The following MLPH variants were observed in gnomAD, a reference collection of about 807,000 sequenced individuals.
The protein encoded by MLPH is melanophilin.
MLPH carries 51 observed loss-of-function variants against 72.1 expected under a neutral mutation model. That is an observed-to-expected ratio of 0.71 (90% CI 0.56 to 0.89). The LOEUF is 0.89. Among genes scored for constraint, MLPH ranks in the 40% least tolerant of loss-of-function variants. The pLI is 0.00. For missense variants in MLPH, 743 were observed against 759.9 expected, an observed-to-expected ratio of 0.98 and a Z score of 0.26; for synonymous variants, 301 against 310.1, an observed-to-expected ratio of 0.97 and a Z score of 0.31.
chr2:237,539,883 AGCAGCT>A (rs1467293886), intron 9 of MLPH, among the ~76,000 whole-genome samples: 17 of 152,278 alleles, frequency 1.1e-4, no homozygotes, highest in Admixed American at 7.2e-4. Flanking sequence ...AGTGTCCCAC[AGCAGCT>A]GCTAAATGAA....
At chr2:237,534,232 C>T (rs981257044) in intron 8 of MLPH, among the ~76,000 whole-genome samples, 7 of 152,154 alleles carry the variant, frequency 4.6e-5, no homozygotes, top group African/African-American at 9.7e-5. Context: ...TGCTCGGTAC[C>T]GGCAGTGACA....
chr2:237,542,816 T>C (rs1184415704), intron 12 of MLPH, among the ~76,000 whole-genome samples, 157 bp downstream of exon 12: 2 of 13,034 alleles, frequency 1.5e-4, no homozygotes, highest in Admixed American at 7.8e-4. Flanking sequence ...GGGACAGTGG[T>C]GAGTGGGGAC....
intron 2 of MLPH, among the ~76,000 whole-genome samples, chr2:237,504,457 A>T (rs992886942): frequency 8.5e-5 from 13 of 152,258 alleles, no homozygotes; most frequent in Admixed American, 7.2e-4. Context: ...ACCTCAGGTG[A>T]TCCACCCACC....
chr2:237,509,207 G>C (rs2079839570), intron 2 of MLPH, among the ~76,000 whole-genome samples: 1 of 152,188 alleles, frequency 6.6e-6, no homozygotes, highest in African/African-American at 2.4e-5. Context: ...GCACAGTACA[G>C]TTCTCCTTTC....
At chr2:237,494,292 C>A (rs6741573) in intron 2 of MLPH, among the ~76,000 whole-genome samples, 14,978 of 152,120 alleles carry the variant, frequency 0.098, 2,296 homozygotes, top group African/African-American at 0.33. Context: ...GAGGGCCCCG[C>A]TGAAGATGGC....
intron 4 of MLPH, among the ~76,000 whole-genome samples, chr2:237,514,182 G>A (rs769565891): frequency 6.6e-6 from 1 of 152,080 alleles, no homozygotes; most frequent in African/African-American, 2.4e-5. Flanking sequence ...TTCCTCCTCC[G>A]AGAATGGGGC....
chr2:237,540,322 C>T (rs745568343), intron 9 of MLPH, 26 bp from the exon 10 acceptor site: 2 of 1,612,548 alleles, frequency 1.2e-6, no homozygotes, highest in Admixed American at 3.3e-5. Context: ...CTAGCCGAAT[C>T]CAAATCCACT....
At chr2:237,518,079 T>G (rs924392059) in intron 4 of MLPH, 3 of 296,262 alleles carry the variant, frequency 1.0e-5, no homozygotes, top group Admixed American at 4.7e-5. Context: ...GGTAGATGGA[T>G]GTATAGATGG....
intron 14 of MLPH, among the ~76,000 whole-genome samples, chr2:237,551,285 G>T (rs1218186812): frequency 1.3e-5 from 2 of 152,274 alleles, no homozygotes; most frequent in East Asian, 3.8e-4. Flanking sequence ...ACATGACCCT[G>T]CAGAGAGGGG....
At chr2:237,530,839 G>A (rs2080405749) in intron 8 of MLPH, among the ~76,000 whole-genome samples, 1 of 152,218 alleles carries the variant, frequency 6.6e-6, no homozygotes, top group Non-Finnish European at 1.5e-5. Context: ...TGTGTCCCGA[G>A]AGGACTTGAA....
intron 13 of MLPH, among the ~76,000 whole-genome samples, chr2:237,548,190 A>T (rs890141627): frequency 2.6e-5 from 4 of 152,178 alleles, no homozygotes; most frequent in Non-Finnish European, 5.9e-5. Context: ...AGCCCAGGCC[A>T]TGCCTGACAC....
intron 9 of MLPH, among the ~76,000 whole-genome samples, chr2:237,539,015 G>C (rs934751311): frequency 6.6e-6 from 1 of 152,216 alleles, no homozygotes; most frequent in Admixed American, 6.5e-5. Flanking sequence ...GCCGCTGCAG[G>C]AGACAGCCCG....
At position 237,493,513 on chromosome 2, in the gene MLPH, A is replaced by G; in HGVS notation, c.87A>G (p.Arg29=). The G allele has an allele frequency of 6.2e-7, 1 of 1,613,818 alleles. No homozygotes were observed. The highest frequency in any genetic ancestry group is 8.5e-7 in the Non-Finnish European group (1 of 1,179,802). ...TTGTTCAACGAGATTTTGACCTCCG[A>G]AGGAAAGAAGAGGAACGGCTAGAGT... ...LEVVQRDFDL[R]RKEEERLEAL... is the part of the protein sequence containing the mutation. Residue 29 remains arginine, a synonymous_variant, in exon 2 of 16, where the codon CGA becomes CGG. Transcript: ENST00000264605.
In MLPH at chr2:237,527,381, G is replaced by A. The variant is rs369804254; in HGVS notation, c.885G>A (p.Ser295=). The A allele has an allele frequency of 3.7e-5, 60 of 1,614,020 alleles. No homozygotes were observed. The highest frequency in any genetic ancestry group is 2.7e-4 in the African/African-American group (20 of 74,894). ...AAACCCACTCTCGCTCTGAAGGGTC[G>A]AATGTCATCAGGAATGAGCAGCTGC... ...MALGTAAALG[S]NVIRNEQLPL... The change falls in exon 8 of 16, where the codon TCG becomes TCA. Residue 295 remains serine (S), a synonymous_variant. Transcript: ENST00000264605.
At chr2:237,535,889 T>C (rs2080520804) in intron 9 of MLPH, among the ~76,000 whole-genome samples, 1 of 152,194 alleles carries the variant, frequency 6.6e-6, no homozygotes, top group Admixed American at 6.5e-5. Context: ...GTAGGGGTAA[T>C]GATCTTGAGA....
At chr2:237,507,483 T>C (rs944731199) in intron 2 of MLPH, 1 of 152,250 alleles carries the variant, frequency 6.6e-6, no homozygotes, top group African/African-American at 2.4e-5. Context: ...GTGGATTTTC[T>C]ACCCCTGTGT....
chr2:237,504,754 A>G (rs1340366767), intron 2 of MLPH, among the ~76,000 whole-genome samples: 1 of 152,090 alleles, frequency 6.6e-6, no homozygotes, highest in East Asian at 1.9e-4. Flanking sequence ...GACCCCTCTA[A>G]TCTGAAGACT....
Position 237,510,227 on chromosome 2 carries a change from C to G in MLPH, c.111-347C>G. On this transcript the variant is annotated intron_variant, in intron 2 of 15. Transcript: ENST00000264605. The surrounding 1 kb of genome is among the most constrained non-coding windows in gnomAD (Gnocchi z 4.4). ...TCAGGAAACACCATCTGGCTTTGCC[C>G]CCAGGATTCTGTGACTGCCCTGGGG... The G allele has an allele frequency of 2.7e-6, 1 of 365,188 alleles. No homozygotes were observed. The highest frequency in any genetic ancestry group is 6.8e-5 in the East Asian group (1 of 14,772). The allele number at this position is 365,188 out of a possible 1,614,324, so 22.6% of individuals were successfully genotyped here. A position where few individuals can be genotyped will look rare whatever the true frequency, so the allele number is the denominator to read the frequency against.
intron 9 of MLPH, among the ~76,000 whole-genome samples, chr2:237,536,767 C>T (rs1248898268): frequency 1.3e-5 from 2 of 152,222 alleles, no homozygotes; most frequent in Non-Finnish European, 2.9e-5. Context: ...CTTCCCCACC[C>T]TGCTGACCCC....
Sources: gnomAD v4.1 joint callset for allele counts (sites outside exome capture counted in the v4.1 genomes callset) on GRCh38, gnomAD v4.1.1 for gene constraint, Gnocchi (gnomAD v3.1) non-coding constraint, MANE v1.5 for transcripts, NCBI Gene and HGNC (gene_info 2026-07-23, HGNC 2026-07-21) for gene names.